AAGAB: variants seen among roughly 807,000 people sequenced by gnomAD.
AAGAB encodes the protein alpha- and gamma-adaptin-binding protein p34.
A neutral mutation model predicts 44.1 loss-of-function variants in AAGAB; 38 were observed. That is an observed-to-expected ratio of 0.86 (90% confidence interval 0.67 to 1.13). AAGAB has a LOEUF of 1.13. Ranked by LOEUF, AAGAB falls within the 50% of genes most tolerant of loss-of-function variation. The probability of loss-of-function intolerance (pLI) is 0.00; values close to 1 mark genes in which losing one functional copy is unlikely to be tolerated. For missense variants in AAGAB, 450 were observed against 373.8 expected (o/e 1.20, Z -1.68); for synonymous variants, 131 against 131.8 (o/e 0.99, Z 0.04).
At chr15:67,215,565 A>C (rs912662491) in intron 5 of AAGAB, among the ~76,000 whole-genome samples, 2 of 152,154 alleles carry the variant, frequency 1.3e-5, no homozygotes, top group Non-Finnish European at 2.9e-5. Flanking sequence ...CCCTGCACAA[A>C]ATGTTTTTCC....
At chr15:67,203,048 G>T in intron 9 of AAGAB, 150 bp from the exon 10 acceptor site, 1 of 686,708 alleles carries the variant, frequency 1.5e-6, no homozygotes, top group South Asian at 1.7e-5. Context: ...AATACCATTT[G>T]ACCCATGATC....
In AAGAB at chr15:67,202,571, CAA is replaced by C; in HGVS notation, c.*248_*249del. 4.4e-6 allele frequency: 2 copies of C among 455,738 alleles called. No homozygotes were observed. The allele number at this position is 455,738 out of a possible 1,614,324, so 28.2% of individuals were successfully genotyped here. A position where few individuals can be genotyped will look rare whatever the true frequency, so the allele number is the denominator to read the frequency against. On this transcript the variant is annotated 3_prime_UTR_variant, in exon 10 of 10. Coordinates refer to ENST00000261880, the MANE Select transcript of AAGAB (RefSeq NM_024666.5). ...ATTTATCCTACCCTCATTCCTAGAA[CAA>C]AAAAAAAGTATATTTAAGAAATCCT...
chr15:67,201,931 ATC>A lies in AAGAB; in HGVS notation c.*888_*889del, dbSNP rs1963578372. On this transcript the variant is annotated 3_prime_UTR_variant, in exon 10 of 10. Coordinates refer to ENST00000261880, the MANE Select transcript of AAGAB (RefSeq NM_024666.5). ...CCTTAGTGCTCCCACTTTGGCAGTGATCTCTCTTTGGCTTTAAAGAGAAAGGG... is the reference window on the plus strand; with the variant it reads ...CCTTAGTGCTCCCACTTTGGCAGTGATCTCTTTGGCTTTAAAGAGAAAGGG... 6.6e-6 allele frequency: 1 copy of A among 152,300 alleles called. No homozygotes were observed. Among genetic ancestry groups the A allele is most frequent in the Non-Finnish European group, 1.5e-5 (1 of 68,040 alleles). The allele number at this position is 152,300 out of a possible 1,614,324, so 9.4% of individuals were successfully genotyped here.
intron 1 of AAGAB, among the ~76,000 whole-genome samples, chr15:67,244,747 T>G (rs1228589392): frequency 1.3e-5 from 2 of 150,036 alleles, no homozygotes; most frequent in African/African-American, 4.9e-5. Flanking sequence ...GAGGCTGCAG[T>G]GAGCCGAGAT....
At chr15:67,247,374 C>G (rs1180406568) in intron 1 of AAGAB, among the ~76,000 whole-genome samples, 1 of 152,120 alleles carries the variant, frequency 6.6e-6, no homozygotes, top group Non-Finnish European at 1.5e-5. Context: ...GGGGCATATT[C>G]CTAAAGAGAA....
At chr15:67,250,125 T>C (rs1302469504) in intron 1 of AAGAB, among the ~76,000 whole-genome samples, 2 of 152,172 alleles carry the variant, frequency 1.3e-5, no homozygotes, top group Non-Finnish European at 2.9e-5. Flanking sequence ...AACTTACATA[T>C]CTTCATTTTA....
intron 5 of AAGAB, among the ~76,000 whole-genome samples, chr15:67,209,814 G>A (rs1284461972): frequency 1.3e-5 from 2 of 151,952 alleles, no homozygotes; most frequent in Non-Finnish European, 2.9e-5. Flanking sequence ...CACTGTGCCT[G>A]GCTATTTTTT....
At chr15:67,228,773 AC>A (rs1213997825) in intron 5 of AAGAB, among the ~76,000 whole-genome samples, 7 of 152,248 alleles carry the variant, frequency 4.6e-5, no homozygotes, top group Non-Finnish European at 7.3e-5. Context: ...GTACACATAC[AC>A]CACGGAATAC....
chr15:67,254,547 C>T lies in AAGAB; in HGVS notation c.73+12G>A. ...GGGCCTTGGAGGTCGGCCCAGGCGCCTATCTACTCACGTTGGACCAGCTGG... is the reference window on the plus strand; with the variant it reads ...GGGCCTTGGAGGTCGGCCCAGGCGCTTATCTACTCACGTTGGACCAGCTGG... On this transcript the variant is annotated intron_variant, in intron 1 of 9. Transcript: ENST00000261880. The T allele has an allele frequency of 6.2e-7, 1 of 1,602,314 alleles. No individual in the cohort carries two copies.
At chr15:67,254,899 G>A, upstream of AAGAB, 1 of 1,613,790 alleles carries the variant, frequency 6.2e-7, no homozygotes, top group Non-Finnish European at 8.5e-7. Flanking sequence ...ACCTAGCCAT[G>A]GCACAGAACA....
intron 4 of AAGAB, among the ~76,000 whole-genome samples, chr15:67,234,208 G>A (rs752047776): frequency 8.6e-5 from 13 of 151,942 alleles, no homozygotes; most frequent in African/African-American, 1.7e-4. Flanking sequence ...AGCAGAGATC[G>A]TGCCACTGCA....
At position 67,234,143 on chromosome 15, in the gene AAGAB, C is replaced by A. The variant is rs1032080193; in HGVS notation, c.451+1836G>T. ...TGGCGGGCGCCTGCAGTCCCAGCTA[C>A]TTGGGAGGCTGAGGCAGGAGAATGG... On this transcript the variant is annotated intron_variant, in intron 4 of 9. Transcript: ENST00000261880. Among the ~76,000 whole-genome samples the A allele has an allele frequency of 2.0e-5, 3 of 151,364 alleles. 1 individual carries two copies. The Middle Eastern group carries it at 0.011, about 533-fold the overall frequency.
intron 5 of AAGAB, among the ~76,000 whole-genome samples, chr15:67,218,993 T>C (rs2140357368): frequency 6.6e-6 from 1 of 152,334 alleles, no homozygotes; most frequent in East Asian, 1.9e-4. Flanking sequence ...AACCACTTCA[T>C]TTCCTGGCCC....
At chr15:67,239,125 T>C (rs1964538158) in intron 1 of AAGAB, among the ~76,000 whole-genome samples, 1 of 152,242 alleles carries the variant, frequency 6.6e-6, no homozygotes, top group Non-Finnish European at 1.5e-5. Flanking sequence ...CTAATATTCC[T>C]GTCATTGCTA....
chr15:67,238,061 A>G (rs6494639), intron 1 of AAGAB, among the ~76,000 whole-genome samples: 102,410 of 152,110 alleles, frequency 0.67, 35,093 homozygotes, highest in Middle Eastern at 0.82. Context: ...TTCATCATGC[A>G]GTTAAGAGGA....
intron 5 of AAGAB, among the ~76,000 whole-genome samples, chr15:67,220,736 T>G (rs1964047726): frequency 6.6e-6 from 1 of 152,154 alleles, no homozygotes; most frequent in African/African-American, 2.4e-5. Flanking sequence ...AGATAAATAC[T>G]GGGAAGAAAA....
At chr15:67,252,997 G>C (rs1596024269) in intron 1 of AAGAB, among the ~76,000 whole-genome samples, 2 of 152,174 alleles carry the variant, frequency 1.3e-5, no homozygotes, top group Admixed American at 1.3e-4. Context: ...CCATTTTAAG[G>C]ATCAGGAAAT....
At chr15:67,251,885 C>T (rs1394256540) in intron 1 of AAGAB, among the ~76,000 whole-genome samples, 4 of 152,212 alleles carry the variant, frequency 2.6e-5, no homozygotes, top group Non-Finnish European at 5.9e-5. Flanking sequence ...TTCATTTTAA[C>T]GCTATCCACT....
chr15:67,231,085 G>A (rs1368894847), intron 5 of AAGAB, among the ~76,000 whole-genome samples: 1 of 151,992 alleles, frequency 6.6e-6, no homozygotes, highest in East Asian at 1.9e-4. Flanking sequence ...TGTTGCCCAG[G>A]CTGGTGTGCA....
Sources: allele counts gnomAD v4.1 joint callset (sites outside exome capture counted in the v4.1 genomes callset), GRCh38; gene constraint gnomAD v4.1.1; transcripts MANE v1.5; gene names NCBI Gene and HGNC (gene_info 2026-07-23, HGNC 2026-07-21).